DNAJC1: variants seen among roughly 807,000 people sequenced by gnomAD.
The protein encoded by DNAJC1 is DnaJ heat shock protein family (Hsp40) member C1.
A neutral mutation model predicts 76.6 loss-of-function variants in DNAJC1; 58 were observed. That is an observed-to-expected ratio of 0.76 (90% CI 0.61 to 0.94). The LOEUF is 0.94. Ranked by LOEUF, DNAJC1 falls within the 40% of genes least tolerant of loss-of-function variation. The pLI is 0.00. For missense variants in DNAJC1, 689 were observed against 677.3 expected, an observed-to-expected ratio of 1.02 and a Z score of -0.19; for synonymous variants, 258 against 267.9, an observed-to-expected ratio of 0.96 and a Z score of 0.36.
At chr10:21,970,598 C>T (rs919986435) in intron 1 of DNAJC1, among the ~76,000 whole-genome samples, 1 of 151,846 alleles carries the variant, frequency 6.6e-6, no homozygotes, top group African/African-American at 2.4e-5. Flanking sequence ...CCTTTGTAGA[C>T]CTTGACAAAC....
chr10:21,835,077 C>A (rs970517788), intron 8 of DNAJC1, among the ~76,000 whole-genome samples: 2 of 152,184 alleles, frequency 1.3e-5, no homozygotes, highest in East Asian at 1.9e-4. Flanking sequence ...AGGCACCCCC[C>A]AGTAGGGGCG....
intron 10 of DNAJC1, among the ~76,000 whole-genome samples, chr10:21,760,351 T>C (rs745563841): frequency 3.0e-4 from 46 of 152,356 alleles, no homozygotes; most frequent in African/African-American, 9.6e-4. Flanking sequence ...GACAGAGCAC[T>C]GATATCCTCA....
chr10:21,946,232 G>A (rs1837503617), intron 1 of DNAJC1, among the ~76,000 whole-genome samples: 1 of 151,412 alleles, frequency 6.6e-6, no homozygotes. Flanking sequence ...AGTAGAGATG[G>A]GGTTTCATCG....
chr10:21,889,304 T>C (rs1295267947), intron 7 of DNAJC1, among the ~76,000 whole-genome samples: 1 of 152,060 alleles, frequency 6.6e-6, no homozygotes, highest in African/African-American at 2.4e-5. Context: ...TGCTAAACCA[T>C]TCATGAGACA....
At chr10:21,843,029 T>A (rs555975286) in intron 8 of DNAJC1, among the ~76,000 whole-genome samples, 1 of 152,092 alleles carries the variant, frequency 6.6e-6, no homozygotes, top group Admixed American at 6.5e-5. Context: ...ATGAAAAGAG[T>A]ATCGATATTG....
chr10:21,977,052 C>A (rs762637555), intron 1 of DNAJC1, among the ~76,000 whole-genome samples: 1 of 152,110 alleles, frequency 6.6e-6, no homozygotes, highest in Non-Finnish European at 1.5e-5. Context: ...TTGCTCTCAT[C>A]AATGAGTCAG....
intron 8 of DNAJC1, among the ~76,000 whole-genome samples, chr10:21,815,663 A>G (rs1179074565): frequency 1.3e-5 from 2 of 151,734 alleles, no homozygotes; most frequent in Non-Finnish European, 2.9e-5. Context: ...CAATGTATCT[A>G]TTTCTCTATT....
intron 1 of DNAJC1, among the ~76,000 whole-genome samples, chr10:21,994,449 G>A (rs1366044853): frequency 6.6e-6 from 1 of 152,122 alleles, no homozygotes; most frequent in Non-Finnish European, 1.5e-5. Context: ...TGCACAACAT[G>A]GCTGTCATTT....
intron 9 of DNAJC1, among the ~76,000 whole-genome samples, chr10:21,795,904 G>T (rs560108220): frequency 2.9e-4 from 44 of 151,170 alleles, no homozygotes; most frequent in Non-Finnish European, 5.2e-4. Context: ...TATAGGAGAA[G>T]ATTATTTCAC....
At chr10:21,990,569 T>A (rs1838311951) in intron 1 of DNAJC1, among the ~76,000 whole-genome samples, 1 of 152,180 alleles carries the variant, frequency 6.6e-6, no homozygotes, top group African/African-American at 2.4e-5. Context: ...TGAGTAGTAT[T>A]ATACAAAAAC....
intron 9 of DNAJC1, among the ~76,000 whole-genome samples, chr10:21,794,799 C>T (rs926559581): frequency 1.3e-5 from 2 of 151,988 alleles, no homozygotes; most frequent in South Asian, 2.1e-4. Context: ...AGTGGGAGAA[C>T]ATATTTGCAA....
chr10:21,809,510 A>G (rs1310598262), intron 8 of DNAJC1, among the ~76,000 whole-genome samples: 8 of 151,478 alleles, frequency 5.3e-5, no homozygotes, highest in African/African-American at 1.9e-4. Context: ...TGCCCAGTTA[A>G]TATATAACAC....
chr10:21,838,888 A>C (rs1425221932), intron 8 of DNAJC1, among the ~76,000 whole-genome samples: 1 of 152,244 alleles, frequency 6.6e-6, no homozygotes, highest in Non-Finnish European at 1.5e-5. Context: ...AAAAGAAATT[A>C]TAACAAACTG....
intron 2 of DNAJC1, 111 bp downstream of exon 2, chr10:21,928,929 C>T (rs1392325780): frequency 1.5e-6 from 1 of 661,150 alleles, no homozygotes; most frequent in Non-Finnish European, 2.3e-6. Flanking sequence ...ATATTTTAAA[C>T]TACTACCTCA....
chr10:21,821,480 A>C (rs1341992647), intron 8 of DNAJC1, among the ~76,000 whole-genome samples: 2 of 152,200 alleles, frequency 1.3e-5, no homozygotes, highest in African/African-American at 4.8e-5. Context: ...GAAACACATT[A>C]TAAAGTCAAT....
chr10:21,769,646 AAACT>A (rs1409163679), intron 9 of DNAJC1, among the ~76,000 whole-genome samples: 1 of 152,154 alleles, frequency 6.6e-6, no homozygotes, highest in Non-Finnish European at 1.5e-5. Context: ...CTAGTTCCTA[AAACT>A]AACCAAACCA....
chr10:21,806,322 T>A (rs1415511687), intron 8 of DNAJC1, among the ~76,000 whole-genome samples: 1 of 152,188 alleles, frequency 6.6e-6, no homozygotes, highest in Non-Finnish European at 1.5e-5. Context: ...TTTCATTTCC[T>A]ACGTATACTA....
intron 9 of DNAJC1, among the ~76,000 whole-genome samples, chr10:21,778,472 C>T (rs1834481300): frequency 6.6e-6 from 1 of 152,152 alleles, no homozygotes; most frequent in Non-Finnish European, 1.5e-5. Context: ...TAGTACATTA[C>T]TGTACTGAGA....
In DNAJC1 at chr10:22,001,468, T is replaced by C. The variant is rs1191933504; in HGVS notation, c.222+1745A>G. On this transcript the variant is annotated intron_variant, in intron 1 of 11. Transcript: ENST00000376980. ...ATAGAGAAACACAGGTTAAAACAAT[T>C]TTCTGGATCCTTCTTTTCGGATTCT... is the stretch of plus-strand genomic sequence containing the variant. 2.0e-5 allele frequency among the ~76,000 whole-genome samples: 3 copies of C among 152,202 alleles called. No homozygotes were observed. The East Asian group carries it at 5.8e-4, about 29-fold the overall frequency.
Sources: gnomAD v4.1 joint callset for allele counts (sites outside exome capture counted in the v4.1 genomes callset) on GRCh38, gnomAD v4.1.1 for gene constraint, MANE v1.5 for transcripts, NCBI Gene and HGNC (gene_info 2026-07-23, HGNC 2026-07-21) for gene names.